The following KIF26B variants were observed in gnomAD, a reference collection of about 807,000 sequenced individuals.
KIF26B encodes kinesin-like protein KIF26B.
A neutral mutation model predicts 151.2 loss-of-function variants in KIF26B; 63 were observed. The observed-to-expected ratio is 0.42, with a 90% confidence interval of 0.34 to 0.51. The LOEUF (loss-of-function observed/expected upper bound fraction) is 0.51, where lower values mean the gene tolerates loss of function less well. Ranked by LOEUF, KIF26B falls within the 20% of genes least tolerant of loss-of-function variation. The probability of loss-of-function intolerance (pLI) is 0.07; values close to 1 mark genes in which losing one functional copy is unlikely to be tolerated. For missense variants in KIF26B, 2,813 were observed against 2,913.6 expected, an observed-to-expected ratio of 0.97 and a Z score of 0.79; for synonymous variants, 1,357 against 1,262.1, an observed-to-expected ratio of 1.08 and a Z score of -1.59.
At chr1:245,198,946 C>T (rs78524348) in intron 2 of KIF26B, among the ~76,000 whole-genome samples, 2 of 31,586 alleles carry the variant, frequency 6.3e-5, no homozygotes, top group East Asian at 9.6e-4. Flanking sequence ...GCGGCAGCGT[C>T]GGGGGAGGCG....
chr1:245,355,720 C>G (rs568919058), intron 2 of KIF26B, among the ~76,000 whole-genome samples: 2 of 152,160 alleles, frequency 1.3e-5, no homozygotes, highest in South Asian at 4.2e-4. Context: ...AGTCTCTGGG[C>G]TATGTCTCCG....
intron 4 of KIF26B, among the ~76,000 whole-genome samples, chr1:245,493,893 C>T (rs1660457144): frequency 6.6e-6 from 1 of 152,180 alleles, no homozygotes; most frequent in Non-Finnish European, 1.5e-5. Context: ...GAACTGGATA[C>T]TCCAGTCGTT....
rs202048276 is a variant in KIF26B at position 245,287,336 on chromosome 1, AT to A, written c.466-79495del. On this transcript the variant is annotated intron_variant, in intron 2 of 14. Transcript: ENST00000407071. ...TTACTTTAAGCCATTAAAAAGCAGA[AT>A]TTGAGTCTTACAATTGGACACTGTT... 2.5e-3 allele frequency among the ~76,000 whole-genome samples: 381 copies of A among 152,150 alleles called. 6 individuals are homozygous for A. In the East Asian group the frequency reaches 0.05, roughly 20 times the overall value.
Position 245,290,515 on chromosome 1 carries a change from G to T in KIF26B, c.466-76319G>T, listed in dbSNP as rs2102972846. On this transcript the variant is annotated intron_variant, in intron 2 of 14. Coordinates refer to ENST00000407071, the MANE Select transcript of KIF26B (RefSeq NM_018012.4). ...TGCCTCCCCTTTTTAGACCATGTAG[G>T]GTAACTTCCTGATGTTGCCATGGCA... Among the ~76,000 whole-genome samples the T allele has an allele frequency of 1.3e-5, 2 of 152,310 alleles. 1 individual carries two copies. The highest frequency in any genetic ancestry group is 4.1e-4 in the South Asian group (2 of 4,820).
chr1:245,659,768 G>A (rs1303247565), intron 10 of KIF26B, among the ~76,000 whole-genome samples: 1 of 152,054 alleles, frequency 6.6e-6, no homozygotes, highest in African/African-American at 2.4e-5. Flanking sequence ...GCCGGGCGCG[G>A]TGGCTCACAC....
chr1:245,539,459 A>G (rs1661554013), intron 4 of KIF26B, among the ~76,000 whole-genome samples: 1 of 152,242 alleles, frequency 6.6e-6, no homozygotes, highest in Non-Finnish European at 1.5e-5. Context: ...GAATAAAGTC[A>G]GGGCGGTCCT....
chr1:245,253,974 TG>T (rs1258274347), intron 2 of KIF26B, among the ~76,000 whole-genome samples: 4 of 151,846 alleles, frequency 2.6e-5, no homozygotes, highest in Middle Eastern at 3.4e-3. Context: ...CACGCCCGGC[TG>T]ATTTTTTTGT....
chr1:245,583,584 G>C (rs531701126), intron 5 of KIF26B, among the ~76,000 whole-genome samples: 14 of 152,298 alleles, frequency 9.2e-5, no homozygotes, highest in African/African-American at 2.6e-4. Context: ...TAAATCAGCT[G>C]GTTCTAGGTG....
intron 9 of KIF26B, among the ~76,000 whole-genome samples, chr1:245,634,833 C>T (rs1198229286): frequency 1.3e-5 from 2 of 152,076 alleles, no homozygotes; most frequent in Non-Finnish European, 2.9e-5. Context: ...TCCATCTCAG[C>T]CTCCCAACTA....
chr1:245,693,036 G>A (rs937733460), intron 12 of KIF26B, among the ~76,000 whole-genome samples: 1 of 151,960 alleles, frequency 6.6e-6, no homozygotes, highest in African/African-American at 2.4e-5. Flanking sequence ...GCGCTCCCCC[G>A]TCCCCTATCA....
chr1:245,486,105 C>T (rs1170450025), intron 4 of KIF26B, among the ~76,000 whole-genome samples: 1 of 152,192 alleles, frequency 6.6e-6, no homozygotes, highest in Admixed American at 6.5e-5. Flanking sequence ...AAACAGTGTG[C>T]TTTCTCAAGG....
intron 10 of KIF26B, among the ~76,000 whole-genome samples, chr1:245,678,708 C>CA (rs200600395): frequency 0.03 from 4,568 of 151,876 alleles, 103 homozygotes; most frequent in Middle Eastern, 0.048. Flanking sequence ...CTAAAAAATA[C>CA]AAAAAATTGC....
intron 2 of KIF26B, among the ~76,000 whole-genome samples, chr1:245,240,468 T>C (rs1420594325): frequency 6.6e-6 from 1 of 152,150 alleles, no homozygotes; most frequent in Non-Finnish European, 1.5e-5. Context: ...GCATTTTCGG[T>C]TCGTTTAGAG....
At chr1:245,215,699 G>A (rs1240236806) in intron 2 of KIF26B, among the ~76,000 whole-genome samples, 1 of 152,212 alleles carries the variant, frequency 6.6e-6, no homozygotes, top group Non-Finnish European at 1.5e-5. Context: ...TTTAGGGTAT[G>A]TGCTGGATCT....
chr1:245,637,204 T>C (rs1037973974), intron 9 of KIF26B, among the ~76,000 whole-genome samples: 1 of 152,090 alleles, frequency 6.6e-6, no homozygotes, highest in Non-Finnish European at 1.5e-5. Flanking sequence ...ATAATAGCCA[T>C]TGTAACTGAG....
intron 2 of KIF26B, among the ~76,000 whole-genome samples, chr1:245,224,287 AAG>A (rs1012641874): frequency 2.5e-4 from 26 of 106,116 alleles, no homozygotes; most frequent in African/African-American, 6.9e-4. Context: ...CTCCGTCTCA[AAG>A]AAAAAAAAAA....
chr1:245,663,956 G>T (rs982971167), intron 10 of KIF26B, among the ~76,000 whole-genome samples: 3 of 152,180 alleles, frequency 2.0e-5, no homozygotes, highest in Non-Finnish European at 2.9e-5. Flanking sequence ...TCTTTGGGGT[G>T]AAAGAAAGCT....
At chr1:245,645,267 T>A (rs2043935204) in intron 9 of KIF26B, among the ~76,000 whole-genome samples, 1 of 152,062 alleles carries the variant, frequency 6.6e-6, no homozygotes, top group African/African-American at 2.4e-5. Context: ...TCTCCAACAT[T>A]GAGGATCACA....
At position 245,572,881 on chromosome 1, in the gene KIF26B, C is replaced by A. The variant is rs184816305; in HGVS notation, c.1351-29696C>A. On this transcript the variant is annotated intron_variant, in intron 5 of 14. Transcript: ENST00000407071. The surrounding 1 kb of genome is among the most constrained non-coding windows in gnomAD (Gnocchi z 4.2). ...CAGGCGTCCTCTGTTGGCAAGGGCA[C>A]CTGTCCCAAGCAGAAATGGAGAAAC... Among the ~76,000 whole-genome samples the A allele has an allele frequency of 4.6e-5, 7 of 152,234 alleles. No homozygotes were observed. Among genetic ancestry groups the A allele is most frequent in the African/African-American group, 1.7e-4 (7 of 41,538 alleles).
Sources: gnomAD v4.1 joint callset for allele counts (sites outside exome capture counted in the v4.1 genomes callset) on GRCh38, gnomAD v4.1.1 for gene constraint, Gnocchi (gnomAD v3.1) non-coding constraint, MANE v1.5 for transcripts, NCBI Gene and HGNC (gene_info 2026-07-23, HGNC 2026-07-21) for gene names.